The following PTPRM variants were observed in gnomAD, a reference collection of about 807,000 sequenced individuals.
PTPRM encodes receptor-type tyrosine-protein phosphatase mu.
PTPRM carries 47 observed loss-of-function variants against 186.7 expected under a neutral mutation model. The ratio of observed to expected loss-of-function variants is 0.25; its 90% confidence interval spans 0.20 to 0.32. The LOEUF (loss-of-function observed/expected upper bound fraction) is 0.32, where lower values mean the gene tolerates loss of function less well. Among genes scored for constraint, PTPRM ranks in the 10% least tolerant of loss-of-function variants. The pLI is 1.00. For missense variants in PTPRM, 1,494 were observed against 1,865.0 expected, an observed-to-expected ratio of 0.80 and a Z score of 3.66; for synonymous variants, 668 against 674.9, an observed-to-expected ratio of 0.99 and a Z score of 0.16.
intron 2 of PTPRM, among the ~76,000 whole-genome samples, chr18:7,873,513 C>G (rs888327049): frequency 1.3e-5 from 2 of 152,232 alleles, no homozygotes; most frequent in Middle Eastern, 3.4e-3. Context: ...CCGAAGGGAC[C>G]AAATGACATA....
rs2095716283 is a variant in PTPRM at position 8,379,286 on chromosome 18, C to T, written c.3732C>T (p.Phe1244=). ...TGCCCCCAGACCGCTGCCTGCCCTT[C>T]CTCATCACCATCGATGGGGAGAGCA... The part of the protein sequence containing the change: ...DILPPDRCLP[F]LITIDGESSN... The change falls in exon 28 of 33, where the codon TTC becomes TTT. Residue 1244 remains phenylalanine (F), a synonymous_variant. Transcript: ENST00000580170. 4 of 1,614,108 alleles carry T rather than the reference C, an allele frequency of 2.5e-6. No individual in the cohort carries two copies. The highest frequency in any genetic ancestry group is 3.4e-6 in the Non-Finnish European group (4 of 1,180,014).
chr18:8,273,364 C>G (rs1331201526), intron 19 of PTPRM, among the ~76,000 whole-genome samples: 1 of 152,140 alleles, frequency 6.6e-6, no homozygotes, highest in Admixed American at 6.6e-5. Context: ...TAGTCTTGAT[C>G]TTTATGTGAG....
At chr18:8,248,273 C>T in intron 17 of PTPRM, 97 bp downstream of exon 17, 1 of 1,173,352 alleles carries the variant, frequency 8.5e-7, no homozygotes, top group East Asian at 2.3e-5. Context: ...CTGTATAATG[C>T]AGTGATTATA....
intron 7 of PTPRM, among the ~76,000 whole-genome samples, chr18:7,998,863 A>G (rs1337525579): frequency 6.6e-6 from 1 of 152,074 alleles, no homozygotes; most frequent in African/African-American, 2.4e-5. Flanking sequence ...CCATGCTGGT[A>G]AGGCTGATCT....
intron 1 of PTPRM, among the ~76,000 whole-genome samples, chr18:7,771,685 A>G (rs2042275637): frequency 6.6e-6 from 1 of 152,200 alleles, no homozygotes; most frequent in Non-Finnish European, 1.5e-5. Context: ...AACTAAGACA[A>G]ATCTAGAAAG....
chr18:8,041,016 A>G (rs1013887459), intron 7 of PTPRM, among the ~76,000 whole-genome samples: 1 of 152,202 alleles, frequency 6.6e-6, no homozygotes, highest in African/African-American at 2.4e-5. Flanking sequence ...TTTAGCCAAC[A>G]TTGTTGGTGG....
intron 23 of PTPRM, among the ~76,000 whole-genome samples, chr18:8,347,886 C>T (rs1346588322): frequency 6.6e-6 from 1 of 152,200 alleles, no homozygotes. Context: ...TCATTGCCAT[C>T]AGCCCCTTGG....
At chr18:8,196,991 T>G (rs935017378) in intron 14 of PTPRM, among the ~76,000 whole-genome samples, 5 of 152,156 alleles carry the variant, frequency 3.3e-5, no homozygotes, top group Non-Finnish European at 7.3e-5. Context: ...GGTAGCCAAT[T>G]GGGAGTGTAT....
chr18:8,354,778 T>C (rs549939180), intron 23 of PTPRM, among the ~76,000 whole-genome samples: 1 of 152,218 alleles, frequency 6.6e-6, no homozygotes, highest in African/African-American at 2.4e-5. Context: ...TCCCATGGGA[T>C]GATAGAACCA....
At chr18:7,970,991 C>A (rs1161705058) in intron 7 of PTPRM, among the ~76,000 whole-genome samples, 1 of 47,478 alleles carries the variant, frequency 2.1e-5, no homozygotes, top group Non-Finnish European at 3.9e-5. Context: ...AAAAAGAGCC[C>A]GCATCGCCAA....
In PTPRM at chr18:8,314,857, T is replaced by A; in HGVS notation, c.2919T>A (p.Asp973Glu). The A allele has an allele frequency of 6.4e-7, 1 of 1,569,836 alleles. No homozygotes were observed. Among genetic ancestry groups the A allele is most frequent in the Non-Finnish European group, 8.7e-7 (1 of 1,143,270 alleles). ...NSDYINGNYI[D>E]GYHRPNHYIA... ...ACTATATCAATGGCAATTATATCGA[T>A]GTATGTATTTTATTATTTTTAATTG... The change falls in exon 21 of 33, where the codon GAT (aspartate) becomes GAA (glutamate). Residue 973 changes from aspartate to glutamate, a missense_variant and splice_region_variant. Physicochemically the swap from Asp to Glu is conservative, Grantham distance 45. This residue lies in a region of PTPRM where 1,107 missense variants were observed against 1,350.2 expected (regional missense o/e 0.82). Transcript: ENST00000580170.
At chr18:7,988,409 G>T (rs2083084769) in intron 7 of PTPRM, among the ~76,000 whole-genome samples, 1 of 151,974 alleles carries the variant, frequency 6.6e-6, no homozygotes, top group African/African-American at 2.4e-5. Flanking sequence ...TTGTAATAAA[G>T]TATACATAAA....
chr18:7,866,437 G>A (rs903617576), intron 2 of PTPRM, among the ~76,000 whole-genome samples: 1 of 152,052 alleles, frequency 6.6e-6, no homozygotes, highest in Non-Finnish European at 1.5e-5. Flanking sequence ...CTTTAATTTT[G>A]TTATTTACCC....
At chr18:8,217,387 A>G (rs1394677195) in intron 14 of PTPRM, among the ~76,000 whole-genome samples, 1 of 152,166 alleles carries the variant, frequency 6.6e-6, no homozygotes, top group Non-Finnish European at 1.5e-5. Flanking sequence ...CCCAGCTCTG[A>G]TGGAGGAGGG....
intron 7 of PTPRM, among the ~76,000 whole-genome samples, chr18:7,969,212 G>A (rs1319998541): frequency 2.4e-5 from 3 of 127,054 alleles, no homozygotes; most frequent in South Asian, 3.0e-4. Flanking sequence ...TGACTACTGG[G>A]TACATAACAA....
intron 13 of PTPRM, among the ~76,000 whole-genome samples, chr18:8,133,524 TCAG>T: frequency 6.6e-6 from 1 of 152,266 alleles, no homozygotes; most frequent in Admixed American, 6.5e-5. Context: ...CTCTAGGAGT[TCAG>T]CAGGAGAGAG....
chr18:7,888,827 A>C (rs2048916493), intron 3 of PTPRM, among the ~76,000 whole-genome samples: 1 of 152,248 alleles, frequency 6.6e-6, no homozygotes, highest in Non-Finnish European at 1.5e-5. Context: ...TGTCTTTAGC[A>C]GCAACTGGAA....
intron 7 of PTPRM, among the ~76,000 whole-genome samples, chr18:7,958,791 G>T (rs996540446): frequency 5.3e-5 from 8 of 152,082 alleles, no homozygotes; most frequent in Non-Finnish European, 1.2e-4. Flanking sequence ...CCAAAAATCC[G>T]AGCAAAGGGG....
At chr18:7,627,420 G>C (rs1250240711) in intron 1 of PTPRM, among the ~76,000 whole-genome samples, 1 of 152,124 alleles carries the variant, frequency 6.6e-6, no homozygotes, top group African/African-American at 2.4e-5. Flanking sequence ...GGCCTCCTCA[G>C]CCCTTGTATG....
Sources: gnomAD v4.1 joint callset for allele counts (sites outside exome capture counted in the v4.1 genomes callset) on GRCh38, gnomAD v4.1.1 for gene constraint, gnomAD v4.1.1 regional missense constraint, MANE v1.5 for transcripts, NCBI Gene and HGNC (gene_info 2026-07-23, HGNC 2026-07-21) for gene names.